The following DOCK7 variants were observed in gnomAD, a reference collection of about 807,000 sequenced individuals.
DOCK7 encodes the protein dedicator of cytokinesis protein 7.
In DOCK7, 138 loss-of-function variants were observed where a neutral mutation model predicts 271.0. The ratio of observed to expected loss-of-function variants is 0.51; its 90% confidence interval spans 0.44 to 0.59. The LOEUF is 0.59. Among genes scored for constraint, DOCK7 ranks in the 20% least tolerant of loss-of-function variants. The pLI is 0.00. For synonymous variants in DOCK7, 823 were observed against 876.1 expected (o/e 0.94, Z 1.07); for missense variants, 2,066 against 2,592.4 (o/e 0.80, Z 4.41).
intron 1 of DOCK7, among the ~76,000 whole-genome samples, chr1:62,669,253 G>C (rs867784207): frequency 6.6e-5 from 10 of 152,224 alleles, no homozygotes; most frequent in Non-Finnish European, 1.0e-4. Context: ...AATTGAGTTT[G>C]ATTTCAGTAG....
intron 18 of DOCK7, 55 bp downstream of exon 18, chr1:62,577,207 T>TA: frequency 8.9e-7 from 1 of 1,125,414 alleles, no homozygotes; most frequent in Non-Finnish European, 1.2e-6. Context: ...AACATCTTTA[T>TA]AGTAAAAAAC....
intron 7 of DOCK7, among the ~76,000 whole-genome samples, chr1:62,646,008 G>A (rs1169114963): frequency 5.3e-5 from 8 of 151,934 alleles, no homozygotes; most frequent in Admixed American, 2.0e-4. Context: ...TTAGCCAGGC[G>A]TGGTGACATG....
Position 62,671,494 on chromosome 1 carries a change from A to G in DOCK7, c.39-8364T>C, listed in dbSNP as rs1004540309. ...GGGAGAGAGAGAGAAATGGAGAAACAGATATAAGAATTTAGAGAGAGGAAA... is the reference window on the plus strand; with the variant it reads ...GGGAGAGAGAGAGAAATGGAGAAACGGATATAAGAATTTAGAGAGAGGAAA... On this transcript the variant is annotated intron_variant, in intron 1 of 49. Coordinates refer to ENST00000635253, the MANE Select transcript of DOCK7 (RefSeq NM_001367561.1). Among the ~76,000 whole-genome samples, 32 of 152,302 alleles carry G rather than the reference A, an allele frequency of 2.1e-4. 1 individual carries two copies. The Middle Eastern group carries it at 0.014, about 65-fold the overall frequency.
chr1:62,486,654 T>A (rs1482646348), intron 43 of DOCK7: 1 of 152,132 alleles, frequency 6.6e-6, no homozygotes, highest in African/African-American at 2.4e-5. Context: ...TGTAGTCTTA[T>A]CAAACAATAT....
chr1:62,619,864 T>C (rs754036662), intron 13 of DOCK7, 36 bp downstream of exon 13: 10 of 1,329,688 alleles, frequency 7.5e-6, no homozygotes, highest in African/African-American at 1.5e-5. Flanking sequence ...GTGATAATAA[T>C]AGTTGCAACC....
intron 31 of DOCK7, among the ~76,000 whole-genome samples, chr1:62,517,722 A>G (rs1203663512): frequency 6.6e-6 from 1 of 152,250 alleles, no homozygotes; most frequent in Non-Finnish European, 1.5e-5. Context: ...AGTATTAGAA[A>G]GAACATGGAG....
intron 18 of DOCK7, among the ~76,000 whole-genome samples, chr1:62,573,011 C>T (rs1337621083): frequency 2.0e-5 from 3 of 152,154 alleles, no homozygotes; most frequent in Non-Finnish European, 4.4e-5. Flanking sequence ...TATTCCTACA[C>T]AATTACCTAC....
chr1:62,479,746 C>G, intron 43 of DOCK7: 1 of 383,218 alleles, frequency 2.6e-6, no homozygotes, highest in Non-Finnish European at 5.4e-6. Context: ...TACAGTGGTG[C>G]AACCACAGCT....
chr1:62,577,205 T>C, intron 18 of DOCK7, 57 bp downstream of exon 18: 4 of 1,111,304 alleles, frequency 3.6e-6, no homozygotes, highest in East Asian at 2.8e-5. Context: ...AAAACATCTT[T>C]ATAGTAAAAA....
chr1:62,598,834 C>T, intron 14 of DOCK7: 2 of 1,323,108 alleles, frequency 1.5e-6, no homozygotes, highest in South Asian at 2.4e-5. Flanking sequence ...TGGTATGTCC[C>T]ATCTTTCACA....
intron 28 of DOCK7, 146 bp from the exon 29 acceptor site, chr1:62,535,778 T>C: frequency 1.7e-6 from 1 of 579,178 alleles, no homozygotes; most frequent in Non-Finnish European, 2.7e-6. Context: ...TTTTCAGACT[T>C]TTGGGACAGG....
intron 14 of DOCK7, among the ~76,000 whole-genome samples, chr1:62,587,299 T>TAAAAAAAAAAAAAAAAAAAAAAAAAAAAC: frequency 7.2e-5 from 3 of 41,818 alleles, no homozygotes; most frequent in African/African-American, 1.4e-4. Flanking sequence ...ACCAAATAGC[T>TAAAAAAAAAAAAAAAAAAAAAAAAAAAAC]AAAAAAAAAA....
intron 31 of DOCK7, among the ~76,000 whole-genome samples, chr1:62,522,748 T>A (rs922718215): frequency 6.6e-6 from 1 of 152,218 alleles, no homozygotes; most frequent in South Asian, 2.1e-4. Flanking sequence ...ATTATATGAT[T>A]GTGTGTAGAA....
At chr1:62,602,612 C>G (rs1650317695) in intron 14 of DOCK7, among the ~76,000 whole-genome samples, 1 of 151,610 alleles carries the variant, frequency 6.6e-6, no homozygotes, top group African/African-American at 2.4e-5. Context: ...ATATACTTAT[C>G]ACAATTTAAT....
Position 62,507,971 on chromosome 1 carries a change from A to G in DOCK7, c.4467T>C (p.Ile1489=). The change falls in exon 35 of 50, where the codon ATT becomes ATC. Residue 1489 remains isoleucine (I), a synonymous_variant. Transcript: ENST00000635253. The stretch of plus-strand genomic sequence containing the variant: ...TTCTTTGCATTCTTACCTGAACAAC[A>G]ATCTCTAATGTATCTAAAATGATTA... ...ANLIILDTLE[I]VVQTVSVTES... The G allele has an allele frequency of 6.2e-7, 1 of 1,611,120 alleles. No homozygotes were observed. The highest frequency in any genetic ancestry group is 8.5e-7 in the Non-Finnish European group (1 of 1,179,296).
intron 1 of DOCK7, among the ~76,000 whole-genome samples, chr1:62,683,316 T>C (rs1275886079): frequency 6.6e-6 from 1 of 152,168 alleles, no homozygotes; most frequent in Non-Finnish European, 1.5e-5. Context: ...GTTGGTAATA[T>C]ATGGAACTAT....
Position 62,475,357 on chromosome 1 carries a change from T to C in DOCK7, c.5962-6A>G. On this transcript the variant is annotated splice_polypyrimidine_tract_variant and splice_region_variant and intron_variant, in intron 46 of 49. Transcript: ENST00000635253. ...TCAATTGGTGTTAAGATGATCTGAGTAAAAGAGCATCTGTTAAATCAGTGT... is the reference window on the plus strand; with the variant it reads ...TCAATTGGTGTTAAGATGATCTGAGCAAAAGAGCATCTGTTAAATCAGTGT... 1 of 1,613,492 alleles carries C rather than the reference T, an allele frequency of 6.2e-7. No individual in the cohort carries two copies. The highest frequency in any genetic ancestry group is 8.5e-7 in the Non-Finnish European group (1 of 1,179,758).
At chr1:62,457,186 G>A (rs774009226) in intron 49 of DOCK7, among the ~76,000 whole-genome samples, 3 of 152,072 alleles carry the variant, frequency 2.0e-5, no homozygotes, top group Admixed American at 6.5e-5. Context: ...GTGGTGTCCC[G>A]GTTAATGAGT....
intron 45 of DOCK7, 62 bp from the exon 46 acceptor site, chr1:62,476,005 C>G: frequency 6.2e-7 from 1 of 1,601,996 alleles, no homozygotes; most frequent in Non-Finnish European, 8.5e-7. Context: ...CTTTCTCAAA[C>G]AAAATTGCAC....
Sources: allele counts gnomAD v4.1 joint callset (sites outside exome capture counted in the v4.1 genomes callset), GRCh38; gene constraint gnomAD v4.1.1; transcripts MANE v1.5; gene names NCBI Gene and HGNC (gene_info 2026-07-23, HGNC 2026-07-21).